CDH12: variants seen among roughly 807,000 people sequenced by gnomAD.
CDH12 encodes the protein cadherin-12.
CDH12 carries 41 observed loss-of-function variants against 74.1 expected under a neutral mutation model. That is an observed-to-expected ratio of 0.55 (90% CI 0.43 to 0.72). CDH12 has a LOEUF of 0.72. Among genes scored for constraint, CDH12 ranks in the 30% least tolerant of loss-of-function variants. The pLI is 0.00. For missense variants in CDH12, 945 were observed against 977.2 expected (o/e 0.97, Z 0.44); for synonymous variants, 399 against 355.0 (o/e 1.12, Z -1.39).
intron 1 of CDH12, among the ~76,000 whole-genome samples, chr5:22,511,496 A>T (rs1736606998): frequency 6.6e-6 from 1 of 152,222 alleles, no homozygotes; most frequent in Non-Finnish European, 1.5e-5. Context: ...CCATTATCAG[A>T]GAAATCCAAA....
chr5:22,754,472 G>C (rs1164666432), intron 1 of CDH12, among the ~76,000 whole-genome samples: 1 of 151,586 alleles, frequency 6.6e-6, no homozygotes, highest in Non-Finnish European at 1.5e-5. Flanking sequence ...CATCTGCTGT[G>C]GAAAGAAGAT....
chr5:22,422,710 C>A (rs1370021790), intron 2 of CDH12, among the ~76,000 whole-genome samples: 1 of 152,050 alleles, frequency 6.6e-6, no homozygotes, highest in Non-Finnish European at 1.5e-5. Context: ...CAAATTTTGT[C>A]ATTGGCTACA....
Position 22,696,702 on chromosome 5 carries a change from A to T in CDH12, c.-523+156356T>A, listed in dbSNP as rs1742382045. Among the ~76,000 whole-genome samples, 3 of 152,202 alleles carry T rather than the reference A, an allele frequency of 2.0e-5. No homozygotes were observed. The South Asian group carries it at 6.2e-4, about 31-fold the overall frequency. ...TTTAAGGTGTAGCTTTCTAGCAGCT[A>T]GAATGGCTTCTGAAGATGTTTCTTC... On this transcript the variant is annotated intron_variant, in intron 1 of 14. Transcript: ENST00000382254.
chr5:21,934,773 C>G (rs1428542446), intron 6 of CDH12, among the ~76,000 whole-genome samples: 1 of 151,864 alleles, frequency 6.6e-6, no homozygotes, highest in Non-Finnish European at 1.5e-5. Flanking sequence ...TCCCCCTTTC[C>G]CTCCACATTC....
In CDH12 at chr5:22,042,317, T is replaced by C. The variant is rs138742903; in HGVS notation, c.231+36129A>G. On this transcript the variant is annotated intron_variant, in intron 5 of 14. Coordinates refer to ENST00000382254, the MANE Select transcript of CDH12 (RefSeq NM_004061.5). ...AACTGAATAATAAAGATCAGGGCAG[T>C]AATAAATAGAGACTTAAAAAACACA... 3.9e-5 allele frequency among the ~76,000 whole-genome samples: 6 copies of C among 152,028 alleles called. No individual in the cohort carries two copies. The East Asian group carries it at 1.2e-3, about 29-fold the overall frequency.
chr5:22,390,473 T>G (rs1742193367), intron 3 of CDH12, among the ~76,000 whole-genome samples: 1 of 151,998 alleles, frequency 6.6e-6, no homozygotes, highest in East Asian at 1.9e-4. Flanking sequence ...TACATATAAT[T>G]ATTAATACTT....
At chr5:21,791,684 A>T (rs1746507569) in intron 10 of CDH12, among the ~76,000 whole-genome samples, 1 of 16,908 alleles carries the variant, frequency 5.9e-5, no homozygotes, top group Non-Finnish European at 1.9e-4. Flanking sequence ...ATTGTTGCTA[A>T]AAAAAAAAAA....
intron 6 of CDH12, among the ~76,000 whole-genome samples, chr5:21,901,182 A>C (rs777799144): frequency 2.6e-5 from 4 of 152,200 alleles, no homozygotes; most frequent in Non-Finnish European, 5.9e-5. Context: ...TGTTCAAGAA[A>C]ATTTTGGGGA....
chr5:22,785,450 A>T (rs1747575353), intron 1 of CDH12, among the ~76,000 whole-genome samples: 1 of 151,964 alleles, frequency 6.6e-6, no homozygotes, highest in Non-Finnish European at 1.5e-5. Context: ...AGATTAACTG[A>T]ATTTCTGAGA....
chr5:22,396,370 TA>T (rs1242917380), intron 3 of CDH12, among the ~76,000 whole-genome samples: 1 of 152,096 alleles, frequency 6.6e-6, no homozygotes, highest in African/African-American at 2.4e-5. Flanking sequence ...CCTGATGCAC[TA>T]GAAGCTAATG....
At chr5:22,312,107 A>G (rs1738420385) in intron 3 of CDH12, among the ~76,000 whole-genome samples, 1 of 152,108 alleles carries the variant, frequency 6.6e-6, no homozygotes, top group African/African-American at 2.4e-5. Flanking sequence ...AGAAGTAGAT[A>G]TACAAACCCT....
chr5:22,479,067 G>A lies in CDH12; in HGVS notation c.-428+26203C>T, dbSNP rs557320140. On this transcript the variant is annotated intron_variant, in intron 2 of 14. Coordinates refer to ENST00000382254, the MANE Select transcript of CDH12 (RefSeq NM_004061.5). Reference sequence around the variant, plus strand: ...TGGATACATGCAAAAGAAAAGCAACGGTTTGCAATAGATTCATATTTCAGA... The same window carrying A: ...TGGATACATGCAAAAGAAAAGCAACAGTTTGCAATAGATTCATATTTCAGA... Among the ~76,000 whole-genome samples the A allele has an allele frequency of 7.2e-5, 11 of 152,244 alleles. No homozygotes were observed. The South Asian group carries it at 1.9e-3, about 26-fold the overall frequency.
chr5:22,525,161 A>T (rs938126711), intron 1 of CDH12, among the ~76,000 whole-genome samples: 1 of 152,156 alleles, frequency 6.6e-6, no homozygotes, highest in Non-Finnish European at 1.5e-5. Context: ...ATGGCTGCAT[A>T]GTATTCCATG....
intron 4 of CDH12, among the ~76,000 whole-genome samples, chr5:22,180,860 T>G (rs1749607198): frequency 6.6e-6 from 1 of 152,146 alleles, no homozygotes; most frequent in Non-Finnish European, 1.5e-5. Flanking sequence ...AATCTATAAT[T>G]GTTTATGACT....
At chr5:21,905,421 A>G (rs1412453683) in intron 6 of CDH12, among the ~76,000 whole-genome samples, 1 of 152,236 alleles carries the variant, frequency 6.6e-6, no homozygotes, top group Non-Finnish European at 1.5e-5. Context: ...TACAGCAGTG[A>G]GTAAAACAGG....
intron 1 of CDH12, among the ~76,000 whole-genome samples, chr5:22,778,710 C>G (rs1299259693): frequency 5.9e-5 from 9 of 152,002 alleles, no homozygotes; most frequent in Non-Finnish European, 1.3e-4. Context: ...AGATTAAAAA[C>G]TTTAATCATT....
At position 22,448,600 on chromosome 5, in the gene CDH12, T is replaced by A. The variant is rs186302600; in HGVS notation, c.-427-43249A>T. ...AAATTCCCTGAATGCTTACACTAAC[T>A]TTAAATCTCCTTTTGACTATAAAGT... On this transcript the variant is annotated intron_variant, in intron 2 of 14. Transcript: ENST00000382254. 4.6e-5 allele frequency among the ~76,000 whole-genome samples: 7 copies of A among 152,152 alleles called. No individual in the cohort carries two copies. In the East Asian group the frequency reaches 1.2e-3, roughly 25 times the overall value.
chr5:22,796,775 C>T (rs1368547427), intron 1 of CDH12, among the ~76,000 whole-genome samples: 1 of 101,678 alleles, frequency 9.8e-6, no homozygotes, highest in Non-Finnish European at 1.9e-5. Context: ...CCGCCTCGGC[C>T]TCCCAAAGTG....
At chr5:22,845,181 C>G (rs2126530751) in intron 1 of CDH12, among the ~76,000 whole-genome samples, 1 of 152,214 alleles carries the variant, frequency 6.6e-6, no homozygotes, top group South Asian at 2.1e-4. Context: ...TGTAGAAGGA[C>G]ACTCACATTG....
Sources: allele counts gnomAD v4.1 joint callset (sites outside exome capture counted in the v4.1 genomes callset), GRCh38; gene constraint gnomAD v4.1.1; transcripts MANE v1.5; gene names NCBI Gene and HGNC (gene_info 2026-07-23, HGNC 2026-07-21).